Variants in KALRN observed in about 807,000 individuals in gnomAD.
The protein encoded by KALRN is kalirin RhoGEF kinase.
Under a neutral mutation model 353.7 loss-of-function variants are expected in KALRN, and 70 were observed. The observed-to-expected ratio is 0.20, with a 90% CI of 0.16 to 0.24. The LOEUF (loss-of-function observed/expected upper bound fraction) is 0.24. Among genes scored for constraint, KALRN ranks in the 10% least tolerant of loss-of-function variants. The probability of loss-of-function intolerance (pLI) is 1.00; values close to 1 mark genes in which losing one functional copy is unlikely to be tolerated. For missense variants in KALRN, 2,791 were observed against 3,756.7 expected, an observed-to-expected ratio of 0.74 and a Z score of 6.72; for synonymous variants, 1,391 against 1,434.8, an observed-to-expected ratio of 0.97 and a Z score of 0.69.
intron 1 of KALRN, among the ~76,000 whole-genome samples, chr3:124,217,853 T>C (rs534777581): frequency 1.3e-5 from 2 of 152,326 alleles, no homozygotes; most frequent in East Asian, 3.9e-4. Context: ...CAAACCTGGT[T>C]GTTACTTTGG....
At chr3:124,179,568 A>G (rs1350616920) in intron 1 of KALRN, among the ~76,000 whole-genome samples, 1 of 152,248 alleles carries the variant, frequency 6.6e-6, no homozygotes, top group Non-Finnish European at 1.5e-5. Flanking sequence ...GTTATTTATT[A>G]TTATCAAATA....
chr3:124,423,229 C>G (rs964552440), intron 15 of KALRN, among the ~76,000 whole-genome samples: 1 of 152,230 alleles, frequency 6.6e-6, no homozygotes, highest in African/African-American at 2.4e-5. Flanking sequence ...ACAATCCATT[C>G]CAGAGTTGTC....
At chr3:124,170,761 G>A (rs2071640258) in intron 1 of KALRN, among the ~76,000 whole-genome samples, 1 of 144,132 alleles carries the variant, frequency 6.9e-6, no homozygotes, top group African/African-American at 2.6e-5. Flanking sequence ...AGCCTGCAGA[G>A]TCTCAGGGCA....
At chr3:124,615,375 T>C (rs948174635) in intron 34 of KALRN, among the ~76,000 whole-genome samples, 1 of 152,170 alleles carries the variant, frequency 6.6e-6, no homozygotes, top group Non-Finnish European at 1.5e-5. Context: ...TTGGAATAAC[T>C]GTCAATATTT....
chr3:124,092,998 AAAT>A (rs1364888596), intron 1 of KALRN, among the ~76,000 whole-genome samples: 1 of 152,204 alleles, frequency 6.6e-6, no homozygotes, highest in East Asian at 1.9e-4. Flanking sequence ...GGTAATAAGA[AAAT>A]AATGCTAACA....
At chr3:124,495,746 AAAAAAG>A (rs1339726434) in intron 32 of KALRN, among the ~76,000 whole-genome samples, 3 of 148,062 alleles carry the variant, frequency 2.0e-5, no homozygotes, top group African/African-American at 7.4e-5. Context: ...AAAAAAAAAA[AAAAAAG>A]AAGAAGAAAT....
intron 1 of KALRN, chr3:124,162,988 A>G (rs1920632): frequency 0.28 from 42,273 of 152,174 alleles, 6,438 homozygotes; most frequent in East Asian, 0.47. Flanking sequence ...CTGAAACTGC[A>G]GCATCCTCAC....
At chr3:124,501,712 G>A (rs566827748) in intron 33 of KALRN, among the ~76,000 whole-genome samples, 2 of 152,254 alleles carry the variant, frequency 1.3e-5, no homozygotes, top group Non-Finnish European at 2.9e-5. Context: ...TAGCCAGAGA[G>A]AGGAACCACT....
At chr3:124,651,151 A>G (rs1344543731) in intron 38 of KALRN, among the ~76,000 whole-genome samples, 3 of 152,268 alleles carry the variant, frequency 2.0e-5, no homozygotes, top group African/African-American at 7.2e-5. Flanking sequence ...ATTCTGTGAG[A>G]TAGCAGCTAT....
intron 34 of KALRN, among the ~76,000 whole-genome samples, chr3:124,594,259 C>T (rs558097445): frequency 5.9e-5 from 9 of 152,210 alleles, no homozygotes; most frequent in Admixed American, 1.3e-4. Context: ...CAGAGTCTCG[C>T]TCTGTCACCA....
intron 27 of KALRN, among the ~76,000 whole-genome samples, chr3:124,481,286 A>C (rs1229853609): frequency 2.0e-5 from 3 of 152,198 alleles, no homozygotes; most frequent in Non-Finnish European, 4.4e-5. Flanking sequence ...AGCTCACTGC[A>C]GCCTTGACCT....
At chr3:124,103,742 G>T (rs1219855242) in intron 1 of KALRN, among the ~76,000 whole-genome samples, 1 of 152,104 alleles carries the variant, frequency 6.6e-6, no homozygotes, top group Non-Finnish European at 1.5e-5. Context: ...GATTGCCTGA[G>T]CTCAGGAGTT....
chr3:124,435,778 T>A (rs2093439019), intron 17 of KALRN, among the ~76,000 whole-genome samples: 1 of 152,240 alleles, frequency 6.6e-6, no homozygotes, highest in African/African-American at 2.4e-5. Context: ...AGTTGATCCC[T>A]AGATTCAACA....
At chr3:124,207,802 C>T (rs2076540875) in intron 1 of KALRN, among the ~76,000 whole-genome samples, 1 of 152,134 alleles carries the variant, frequency 6.6e-6, no homozygotes, top group African/African-American at 2.4e-5. Flanking sequence ...GGAAGTAACC[C>T]TTAATAAATG....
At chr3:124,346,345 C>A (rs996097133) in intron 9 of KALRN, among the ~76,000 whole-genome samples, 1 of 152,130 alleles carries the variant, frequency 6.6e-6, no homozygotes, top group Non-Finnish European at 1.5e-5. Context: ...TCTTAGCATC[C>A]CCTCTCTCTC....
rs1475055704 is a variant in KALRN at position 124,719,824 on chromosome 3, A to T, written c.*354A>T. 1 of 199,454 alleles carries T rather than the reference A, an allele frequency of 5.0e-6. No individual in the cohort carries two copies. The highest frequency in any genetic ancestry group is 1.2e-4 in the East Asian group (1 of 8,434). The allele number at this position is 199,454 out of a possible 1,614,324, so 12.4% of individuals were successfully genotyped here. Reference sequence around the variant, plus strand: ...CCTTAAGCTCACAAGAGTATAAAAGATCTCTGGCTTTGCTGAAATTTTAAG... The same window carrying T: ...CCTTAAGCTCACAAGAGTATAAAAGTTCTCTGGCTTTGCTGAAATTTTAAG... On this transcript the variant is annotated 3_prime_UTR_variant, in exon 60 of 60. Transcript: ENST00000682506. This position sits in a 1 kb window ranked among gnomAD's most constrained non-coding sequence, Gnocchi z 5.3.
chr3:124,050,279 T>A (rs907010229), intron 1 of KALRN, among the ~76,000 whole-genome samples: 8 of 152,238 alleles, frequency 5.3e-5, no homozygotes, highest in Admixed American at 3.3e-4. Context: ...TAGTCCTGAC[T>A]CCAGGCCTTT....
At chr3:124,243,479 C>T (rs1446895713) in intron 3 of KALRN, among the ~76,000 whole-genome samples, 5 of 152,112 alleles carry the variant, frequency 3.3e-5, no homozygotes, top group East Asian at 1.9e-4. Flanking sequence ...GTGCCTGTAG[C>T]GATAAATCAA....
chr3:124,384,954 G>C lies in KALRN; in HGVS notation c.1880G>C (p.Arg627Pro), dbSNP rs749969083. 1 of 1,613,968 alleles carries C rather than the reference G, an allele frequency of 6.2e-7. No individual in the cohort carries two copies. Among genetic ancestry groups the C allele is most frequent in the Non-Finnish European group, 8.5e-7 (1 of 1,179,914 alleles). ...IYKAARHLEV[R>P]IQDFVRRVEQ... ...AAGGCAGCTCGACACCTGGAGGTGC[G>C]CATCCAAGACTTCGTGCGCAGGGTG... Residue 627 changes from arginine to proline, a missense_variant, in exon 11 of 60, where the codon CGC becomes CCC. Transcript: ENST00000682506.
Sources: gnomAD v4.1 joint callset for allele counts (sites outside exome capture counted in the v4.1 genomes callset) on GRCh38, gnomAD v4.1.1 for gene constraint, Gnocchi (gnomAD v3.1) non-coding constraint, MANE v1.5 for transcripts, NCBI Gene and HGNC (gene_info 2026-07-23, HGNC 2026-07-21) for gene names.